Variants in R3HCC1L observed in about 807,000 individuals in gnomAD.
The protein encoded by R3HCC1L is coiled-coil domain-containing protein R3HCC1L.
Under a neutral mutation model 59.9 loss-of-function variants are expected in R3HCC1L, and 51 were observed. That is an observed-to-expected ratio of 0.85 (90% confidence interval 0.68 to 1.07). The LOEUF (loss-of-function observed/expected upper bound fraction) is 1.07. Among genes scored for constraint, R3HCC1L ranks in the 50% least tolerant of loss-of-function variants. The probability of loss-of-function intolerance (pLI) is 0.00; values close to 1 mark genes in which losing one functional copy is unlikely to be tolerated. For missense variants in R3HCC1L, 965 were observed against 933.0 expected, an observed-to-expected ratio of 1.03 and a Z score of -0.45; for synonymous variants, 322 against 315.2, an observed-to-expected ratio of 1.02 and a Z score of -0.23.
At chr10:98,196,548 C>A (rs932158127) in intron 4 of R3HCC1L, among the ~76,000 whole-genome samples, 7 of 152,176 alleles carry the variant, frequency 4.6e-5, no homozygotes, top group African/African-American at 1.4e-4. Flanking sequence ...GCGTGTGCTA[C>A]CATGTCCAAC....
At chr10:98,171,061 A>G (rs1848461972) in intron 4 of R3HCC1L, among the ~76,000 whole-genome samples, 1 of 152,172 alleles carries the variant, frequency 6.6e-6, no homozygotes, top group Admixed American at 6.5e-5. Context: ...CCCAAAACAC[A>G]TAGGCATGCA....
intron 1 of R3HCC1L, among the ~76,000 whole-genome samples, chr10:98,145,948 CA>C (rs59848528): frequency 3.6e-4 from 51 of 141,722 alleles, no homozygotes; most frequent in East Asian, 1.6e-3. Flanking sequence ...GACTCCATCT[CA>C]AAAAAAAAAA....
In R3HCC1L at chr10:98,208,293, A is replaced by T; in HGVS notation, c.179A>T (p.Glu60Val). 2 of 1,614,182 alleles carry T rather than the reference A, an allele frequency of 1.2e-6. No individual in the cohort carries two copies. Among genetic ancestry groups the T allele is most frequent in the Non-Finnish European group, 1.7e-6 (2 of 1,180,028 alleles). Residue 60 changes from glutamate (E) to valine (V), a missense_variant, in exon 5 of 10, where the codon GAA becomes GTA. By Grantham distance (121) the Glu-to-Val change is moderately radical. Transcript: ENST00000298999. ...KQKESSLSQK[E>V]VFKDKPEARR... ...AAAGAAAGTTCTCTCTCCCAAAAAGAAGTCTTTAAAGACAAACCGGAGGCT... is the reference window on the plus strand; with the variant it reads ...AAAGAAAGTTCTCTCTCCCAAAAAGTAGTCTTTAAAGACAAACCGGAGGCT...
intron 4 of R3HCC1L, among the ~76,000 whole-genome samples, chr10:98,169,793 T>C (rs974416482): frequency 6.6e-6 from 1 of 152,042 alleles, no homozygotes; most frequent in Non-Finnish European, 1.5e-5. Context: ...ATTTGCTTAA[T>C]GCAAATAAAT....
At chr10:98,161,614 T>G (rs778656723) in intron 2 of R3HCC1L, among the ~76,000 whole-genome samples, 3 of 152,150 alleles carry the variant, frequency 2.0e-5, no homozygotes, top group Non-Finnish European at 2.9e-5. Context: ...TTCTGTAGTT[T>G]TAGTTGTTAA....
At chr10:98,197,242 C>T (rs1851535752) in intron 4 of R3HCC1L, among the ~76,000 whole-genome samples, 1 of 152,044 alleles carries the variant, frequency 6.6e-6, no homozygotes, top group African/African-American at 2.4e-5. Flanking sequence ...CTGCTGATAC[C>T]ACACTTGTTT....
chr10:98,152,967 C>G (rs1258535196), intron 1 of R3HCC1L, among the ~76,000 whole-genome samples: 2 of 149,196 alleles, frequency 1.3e-5, no homozygotes, highest in Non-Finnish European at 3.0e-5. Context: ...CCCCACCCAG[C>G]CAGCCGCCCT....
At chr10:98,160,894 T>G (rs1318239796) in intron 2 of R3HCC1L, among the ~76,000 whole-genome samples, 1 of 152,214 alleles carries the variant, frequency 6.6e-6, no homozygotes, top group Non-Finnish European at 1.5e-5. Context: ...TTTTCTAATT[T>G]GTCTTTCATT....
chr10:98,193,415 A>G (rs1283521777), intron 4 of R3HCC1L, among the ~76,000 whole-genome samples: 3 of 152,176 alleles, frequency 2.0e-5, no homozygotes, highest in Non-Finnish European at 4.4e-5. Flanking sequence ...TGTTAAACCA[A>G]TTCAGCCAAG....
At chr10:98,217,753 C>T (rs1279216922) in intron 5 of R3HCC1L, among the ~76,000 whole-genome samples, 1 of 151,686 alleles carries the variant, frequency 6.6e-6, no homozygotes, top group Non-Finnish European at 1.5e-5. Flanking sequence ...AGATTTACTC[C>T]TAGGTATTTT....
chr10:98,153,369 GGGC>G (rs1294193781), intron 1 of R3HCC1L, among the ~76,000 whole-genome samples: 1 of 152,136 alleles, frequency 6.6e-6, no homozygotes, highest in Non-Finnish European at 1.5e-5. Context: ...AATGGATTAA[GGGC>G]GGTGCAACAT....
rs545948187 is a variant in R3HCC1L, at chr10:98,225,965, C to T, written c.1786-5547C>T. 3.3e-5 allele frequency among the ~76,000 whole-genome samples: 5 copies of T among 152,172 alleles called. No homozygotes were observed. In the East Asian group the frequency reaches 9.7e-4, roughly 29 times the overall value. ...AAGCTATCCTCCGGCCTCAGCACTC[C>T]CACCCTGAGTAGCTGGGATTACAGG... On this transcript the variant is annotated intron_variant, in intron 5 of 9. Transcript: ENST00000298999.
chr10:98,209,292 G>C lies in R3HCC1L; in HGVS notation c.1178G>C (p.Ser393Thr), dbSNP rs1261575317. The C allele has an allele frequency of 6.2e-7, 1 of 1,613,844 alleles. No homozygotes were observed. Among genetic ancestry groups the C allele is most frequent in the East Asian group, 2.2e-5 (1 of 44,870 alleles). The change falls in exon 5 of 10, where the codon AGC becomes ACC. Residue 393 changes from serine to threonine, a missense_variant. Transcript: ENST00000298999. ...TGTAGTGATCATGTAACTGTTGATA[G>C]CCCTTATGTAGTTGCAGTTAGAATA... ...MSCSDHVTVD[S>T]PYVVAVRIAD...
chr10:98,139,031 T>C (rs1472828060), intron 1 of R3HCC1L, among the ~76,000 whole-genome samples: 1 of 152,190 alleles, frequency 6.6e-6, no homozygotes, highest in Non-Finnish European at 1.5e-5. Flanking sequence ...CCCCTAATGC[T>C]TCAATGATCA....
At chr10:98,182,109 T>C (rs1213177659) in intron 4 of R3HCC1L, among the ~76,000 whole-genome samples, 1 of 152,242 alleles carries the variant, frequency 6.6e-6, no homozygotes, top group African/African-American at 2.4e-5. Flanking sequence ...TTTTTAGAAT[T>C]TTCAGCTTTT....
At chr10:98,222,844 T>C (rs1382633615) in intron 5 of R3HCC1L, among the ~76,000 whole-genome samples, 1 of 152,022 alleles carries the variant, frequency 6.6e-6, no homozygotes, top group African/African-American at 2.4e-5. Flanking sequence ...CAATAAAAAA[T>C]GATAAAGGGG....
intron 1 of R3HCC1L, among the ~76,000 whole-genome samples, chr10:98,155,651 T>C (rs1447994103): frequency 1.3e-5 from 2 of 152,124 alleles, no homozygotes; most frequent in African/African-American, 2.4e-5. Context: ...TAACAAAATA[T>C]AGTGAGTCAT....
chr10:98,243,156 A>G (rs1564748952), intron 9 of R3HCC1L, among the ~76,000 whole-genome samples: 1 of 152,254 alleles, frequency 6.6e-6, no homozygotes, highest in Admixed American at 6.5e-5. Flanking sequence ...TGATGAGGAA[A>G]GATATATCAG....
chr10:98,147,437 G>A (rs1247222956), intron 1 of R3HCC1L, among the ~76,000 whole-genome samples: 2 of 151,996 alleles, frequency 1.3e-5, no homozygotes, highest in Non-Finnish European at 2.9e-5. Flanking sequence ...TGTCTATTTT[G>A]CCTGGGTTGC....
Sources: gnomAD v4.1 joint callset for allele counts (sites outside exome capture counted in the v4.1 genomes callset) on GRCh38, gnomAD v4.1.1 for gene constraint, MANE v1.5 for transcripts, NCBI Gene and HGNC (gene_info 2026-07-23, HGNC 2026-07-21) for gene names.